PRKAG2: variants seen among roughly 807,000 people sequenced by gnomAD.
PRKAG2 encodes the protein 5'-AMP-activated protein kinase subunit gamma-2.
Under a neutral mutation model 69.6 loss-of-function variants are expected in PRKAG2, and 26 were observed. That is an observed-to-expected ratio of 0.37 (90% CI 0.27 to 0.52). PRKAG2 has a LOEUF of 0.52. PRKAG2 is among the 20% of genes least tolerant of loss of function. The pLI is 0.90. For synonymous variants in PRKAG2, 293 were observed against 285.0 expected (o/e 1.03, Z -0.28); for missense variants, 557 against 740.0 (o/e 0.75, Z 2.87).
chr7:151,771,601 G>A lies in PRKAG2; in HGVS notation c.466+9551C>T, dbSNP rs765256365. Among the ~76,000 whole-genome samples the A allele has an allele frequency of 5.3e-5, 8 of 152,206 alleles. No homozygotes were observed. Among genetic ancestry groups the A allele is most frequent in the Non-Finnish European group, 8.8e-5 (6 of 68,044 alleles). On this transcript the variant is annotated intron_variant, in intron 3 of 15. Coordinates refer to ENST00000287878, the MANE Select transcript of PRKAG2 (RefSeq NM_016203.4). This position sits in a 1 kb window ranked among gnomAD's most constrained non-coding sequence, Gnocchi z 4.0. The stretch of plus-strand genomic sequence containing the variant: ...ACCTGAGGAGCCTGTTAAAACTTTC[G>A]ATTCCAAGACTCAGGCCATTGAGTC...
In PRKAG2 at chr7:151,719,622, G is replaced by A. The variant is rs1323169900; in HGVS notation, c.467-43985C>T. On this transcript the variant is annotated intron_variant, in intron 3 of 15. Coordinates refer to ENST00000287878, the MANE Select transcript of PRKAG2 (RefSeq NM_016203.4). This position sits in a 1 kb window ranked among gnomAD's most constrained non-coding sequence, Gnocchi z 5.2. ...GCAGTTCCCCCAGTGAGTCTGGTGT[G>A]TGTTGAGTCCTGTCCTGGCACCTGC... is the stretch of plus-strand genomic sequence containing the variant. 1.3e-5 allele frequency among the ~76,000 whole-genome samples: 2 copies of A among 152,280 alleles called. No individual in the cohort carries two copies. The highest frequency in any genetic ancestry group is 1.3e-4 in the Admixed American group (2 of 15,310).
intron 3 of PRKAG2, among the ~76,000 whole-genome samples, chr7:151,678,153 C>T (rs572385778): frequency 1.6e-4 from 25 of 152,194 alleles, no homozygotes; most frequent in Non-Finnish European, 3.4e-4. Flanking sequence ...CTCGTGTCAC[C>T]AAACTCATAA....
At position 151,632,229 on chromosome 7, in the gene PRKAG2, G is replaced by A. The variant is rs1824743634; in HGVS notation, c.685-91C>T. On this transcript the variant is annotated intron_variant, in intron 4 of 15. Transcript: ENST00000287878. The surrounding 1 kb of genome is among the most constrained non-coding windows in gnomAD (Gnocchi z 4.2). ...GCGGCCGGCCGAGCGCTGGGGCCTG[G>A]CTCTGCCGCGCCGCCGGGAGGAGGG... 8 of 1,099,176 alleles carry A rather than the reference G, an allele frequency of 7.3e-6. No homozygotes were observed. The highest frequency in any genetic ancestry group is 8.9e-6 in the Non-Finnish European group (8 of 903,582). 68.1% of individuals were successfully genotyped at this position (1,099,176 alleles called of 1,614,324 possible). A position where few individuals can be genotyped will look rare whatever the true frequency, so the allele number is the denominator to read the frequency against.
chr7:151,876,794 C>T lies in PRKAG2; in HGVS notation c.-174G>A. ...CAGGGAACTCGCGCGGCCGCCGCCGCCGCCGAAGCGCCGAATTCAAGCGTC... is the reference window on the plus strand; with the variant it reads ...CAGGGAACTCGCGCGGCCGCCGCCGTCGCCGAAGCGCCGAATTCAAGCGTC... On this transcript the variant is annotated 5_prime_UTR_variant, in exon 1 of 16. Transcript: ENST00000287878. 2 of 682,476 alleles carry T rather than the reference C, an allele frequency of 2.9e-6. No homozygotes were observed. Among genetic ancestry groups the T allele is most frequent in the East Asian group, 5.5e-5 (2 of 36,636 alleles). The allele number at this position is 682,476 out of a possible 1,614,324, so 42.3% of individuals were successfully genotyped here.
intron 3 of PRKAG2, among the ~76,000 whole-genome samples, chr7:151,692,054 G>A (rs1835745527): frequency 1.3e-5 from 2 of 152,112 alleles, no homozygotes; most frequent in Admixed American, 6.6e-5. Context: ...TGGGTGCAGT[G>A]GCACACTCCT....
chr7:151,613,622 C>A (rs1266913652), intron 5 of PRKAG2, among the ~76,000 whole-genome samples: 1 of 151,720 alleles, frequency 6.6e-6, no homozygotes, highest in South Asian at 2.1e-4. Flanking sequence ...CTCAGCCTCC[C>A]AAGCAGCTGG....
chr7:151,663,659 C>A (rs565888366), intron 4 of PRKAG2, among the ~76,000 whole-genome samples: 35 of 152,218 alleles, frequency 2.3e-4, no homozygotes, highest in Non-Finnish European at 4.0e-4. Context: ...CACGTCTGGC[C>A]CACTTTGCCA....
intron 4 of PRKAG2, among the ~76,000 whole-genome samples, chr7:151,672,396 C>T (rs1237062404): frequency 6.6e-6 from 1 of 152,184 alleles, no homozygotes; most frequent in Non-Finnish European, 1.5e-5. Flanking sequence ...CGCCCAGCCA[C>T]CATTCGAACG....
rs1811424671 is a variant in PRKAG2 at position 151,585,436 on chromosome 7, T to C, written c.865-8984A>G. On this transcript the variant is annotated intron_variant, in intron 6 of 15. Coordinates refer to ENST00000287878, the MANE Select transcript of PRKAG2 (RefSeq NM_016203.4). Reference sequence around the variant, plus strand: ...TTTGGTACCACTTGACAGAAATTGTTAATATGTGCTTTGAAAAACTCTCAG... The same window carrying C: ...TTTGGTACCACTTGACAGAAATTGTCAATATGTGCTTTGAAAAACTCTCAG... Among the ~76,000 whole-genome samples the C allele has an allele frequency of 2.5e-5, 3 of 121,918 alleles. No homozygotes were observed. In the Admixed American group the frequency reaches 2.6e-4, roughly 11 times the overall value. The allele number at this position is 121,918 out of a possible 152,430, so 80.0% of individuals were successfully genotyped here. A position where few individuals can be genotyped will look rare whatever the true frequency, so the allele number is the denominator to read the frequency against.
At chr7:151,708,174 T>A (rs906431447) in intron 3 of PRKAG2, among the ~76,000 whole-genome samples, 5 of 152,208 alleles carry the variant, frequency 3.3e-5, no homozygotes, top group African/African-American at 1.2e-4. Flanking sequence ...GCTCCAAACC[T>A]CCAATTGCTT....
At chr7:151,707,720 G>A (rs892774060) in intron 3 of PRKAG2, among the ~76,000 whole-genome samples, 12 of 152,140 alleles carry the variant, frequency 7.9e-5, no homozygotes, top group African/African-American at 2.7e-4. Context: ...GGCAAACAAA[G>A]GACACAAAAA....
In PRKAG2 at chr7:151,608,365, T is replaced by A. The variant is rs117790831; in HGVS notation, c.755-12911A>T. On this transcript the variant is annotated intron_variant, in intron 5 of 15. Coordinates refer to ENST00000287878, the MANE Select transcript of PRKAG2 (RefSeq NM_016203.4). The stretch of plus-strand genomic sequence containing the variant: ...ACTTCCTCCCATAAAACCTTCCCTT[T>A]GAGCCCCTCAGGTCGGAATTAACTG... 2.3e-4 allele frequency among the ~76,000 whole-genome samples: 35 copies of A among 152,362 alleles called. 1 individual carries two copies. In the East Asian group the frequency reaches 6.4e-3, roughly 28 times the overall value.
At chr7:151,736,103 G>A in intron 3 of PRKAG2, 1 of 1,503,616 alleles carries the variant, frequency 6.7e-7, no homozygotes, top group South Asian at 1.3e-5. Context: ...GACAGGCACA[G>A]GGCGCCCCAA....
chr7:151,620,344 T>A (rs537750543), intron 5 of PRKAG2, among the ~76,000 whole-genome samples: 8 of 152,082 alleles, frequency 5.3e-5, no homozygotes, highest in Non-Finnish European at 1.2e-4. Flanking sequence ...TCTCTCATTC[T>A]TTCTTTCTTT....
At chr7:151,655,158 C>A (rs1166683813) in intron 4 of PRKAG2, among the ~76,000 whole-genome samples, 1 of 152,108 alleles carries the variant, frequency 6.6e-6, no homozygotes, top group East Asian at 1.9e-4. Context: ...AAAGAAACAG[C>A]AATAGTTTTG....
chr7:151,806,443 C>T (rs1485148858), intron 1 of PRKAG2: 1 of 153,072 alleles, frequency 6.5e-6, no homozygotes, highest in Non-Finnish European at 1.5e-5. Flanking sequence ...AAGGAAATTG[C>T]ACATTTCACC....
chr7:151,692,766 G>A (rs1353388962), intron 3 of PRKAG2, among the ~76,000 whole-genome samples: 15 of 152,242 alleles, frequency 9.9e-5, no homozygotes, highest in Admixed American at 8.5e-4. Flanking sequence ...CCTTGCCTCC[G>A]CCTTGGGGCC....
rs1430485902 is a variant in PRKAG2, at chr7:151,773,036, AGAGAGAGAGAGAGAGAGGGAGGGAGG to A, written c.466+8090_466+8115del. Among the ~76,000 whole-genome samples, 24 of 33,188 alleles carry A rather than the reference AGAGAGAGAGAGAGAGAGGGAGGGAGG, an allele frequency of 7.2e-4. No homozygotes were observed. In the East Asian group the frequency reaches 0.011, roughly 16 times the overall value. The allele number at this position is 33,188 out of a possible 152,430, so 21.8% of individuals were successfully genotyped here. A position where few individuals can be genotyped will look rare whatever the true frequency, so the allele number is the denominator to read the frequency against. ...AAGAAAGAAAGAAAGAGAGAGAGAG[AGAGAGAGAGAGAGAGAGGGAGGGAGG>A]GAGGGAGGGAGGGAGGGAGGGAGGG... On this transcript the variant is annotated intron_variant, in intron 3 of 15. Transcript: ENST00000287878.
chr7:151,562,828 G>A (rs899479666), intron 14 of PRKAG2, among the ~76,000 whole-genome samples: 6 of 151,566 alleles, frequency 4.0e-5, no homozygotes, highest in Non-Finnish European at 7.4e-5. Flanking sequence ...TTAGGCGGGC[G>A]CCTGTAGTCC....
Sources: gnomAD v4.1 joint callset for allele counts (sites outside exome capture counted in the v4.1 genomes callset) on GRCh38, gnomAD v4.1.1 for gene constraint, Gnocchi (gnomAD v3.1) non-coding constraint, MANE v1.5 for transcripts, NCBI Gene and HGNC (gene_info 2026-07-23, HGNC 2026-07-21) for gene names.